Variants in MAST4 observed in about 807,000 individuals in gnomAD.
The protein encoded by MAST4 is microtubule-associated serine/threonine-protein kinase 4.
In MAST4, 89 loss-of-function variants were observed where a neutral mutation model predicts 162.7. The observed-to-expected ratio is 0.55, with a 90% CI of 0.46 to 0.65. The LOEUF (loss-of-function observed/expected upper bound fraction) is 0.65. MAST4 is among the 30% of genes least tolerant of loss of function. The pLI, the probability that MAST4 is intolerant of heterozygous loss-of-function variation, is 0.00. For synonymous variants in MAST4, 1,479 were observed against 1,361.1 expected (o/e 1.09, Z -1.91); for missense variants, 3,153 against 3,374.0 (o/e 0.93, Z 1.62).
At chr5:66,897,275 C>T (rs467176) in intron 3 of MAST4, among the ~76,000 whole-genome samples, 81,541 of 151,964 alleles carry the variant, frequency 0.54, 22,289 homozygotes, top group Middle Eastern at 0.61. Flanking sequence ...ACCAATACCA[C>T]GTCTTATCTA....
intron 6 of MAST4, among the ~76,000 whole-genome samples, chr5:67,093,399 T>C (rs1209513012): frequency 7.9e-5 from 12 of 152,150 alleles, no homozygotes; most frequent in Admixed American, 7.9e-4. Context: ...GTGATACCTT[T>C]CTTGAAAAAA....
chr5:67,041,994 C>A (rs1756799496), intron 4 of MAST4, among the ~76,000 whole-genome samples: 1 of 152,196 alleles, frequency 6.6e-6, no homozygotes, highest in Non-Finnish European at 1.5e-5. Flanking sequence ...GTTTGGAATT[C>A]AACAGTAGAT....
In MAST4 at chr5:66,596,756, C is replaced by G; in HGVS notation, c.101C>G (p.Pro34Arg). 7.1e-7 allele frequency: 1 copy of G among 1,401,212 alleles called. No homozygotes were observed. Among genetic ancestry groups the G allele is most frequent in the Non-Finnish European group, 9.3e-7 (1 of 1,075,668 alleles). 86.8% of individuals were successfully genotyped at this position (1,401,212 alleles called of 1,614,324 possible). A position where few individuals can be genotyped will look rare whatever the true frequency, so the allele number is the denominator to read the frequency against. ...TCTGCGCTGGTCGCCGCGTCCTCTC[C>G]GGGTGCTTCCTCGGCCGAGTCCTCC... is the stretch of plus-strand genomic sequence containing the variant. ...PASALVAASSPGASSAESSSG... is the reference protein window; with the variant it reads ...PASALVAASSRGASSAESSSG... The change falls in exon 1 of 29, where the codon CCG (proline) becomes CGG (arginine). Residue 34 changes from proline (P) to arginine (R), a missense_variant. Physicochemically the swap from Pro to Arg is moderately radical, Grantham distance 103. Transcript: ENST00000403625.
At chr5:66,981,279 G>A (rs1050707354) in intron 4 of MAST4, among the ~76,000 whole-genome samples, 1 of 152,102 alleles carries the variant, frequency 6.6e-6, no homozygotes, top group Non-Finnish European at 1.5e-5. Flanking sequence ...CTTATTTATT[G>A]GAAATTATCC....
At chr5:67,090,840 GCA>G (rs138954302) in intron 6 of MAST4, among the ~76,000 whole-genome samples, 3,798 of 151,928 alleles carry the variant, frequency 0.025, 137 homozygotes, top group East Asian at 0.17. Flanking sequence ...AGAGGAGTGT[GCA>G]CAGTCATCTC....
At chr5:66,938,188 A>G (rs1391355968) in intron 4 of MAST4, among the ~76,000 whole-genome samples, 1 of 152,158 alleles carries the variant, frequency 6.6e-6, no homozygotes, top group Non-Finnish European at 1.5e-5. Flanking sequence ...CCAAATCAGC[A>G]TTACATAATG....
intron 4 of MAST4, among the ~76,000 whole-genome samples, chr5:67,036,424 T>A (rs913489535): frequency 5.9e-5 from 9 of 152,196 alleles, no homozygotes; most frequent in African/African-American, 2.2e-4. Flanking sequence ...AAGTAATCAC[T>A]ATTATGATTT....
At chr5:66,889,061 T>C (rs527237601) in intron 3 of MAST4, among the ~76,000 whole-genome samples, 12 of 152,324 alleles carry the variant, frequency 7.9e-5, no homozygotes, top group African/African-American at 2.6e-4. Flanking sequence ...CTTATGAACA[T>C]TGTAGCTTTT....
intron 1 of MAST4, among the ~76,000 whole-genome samples, chr5:66,686,453 A>G (rs1002290236): frequency 3.3e-5 from 5 of 152,226 alleles, no homozygotes; most frequent in African/African-American, 1.2e-4. Flanking sequence ...AGATTTAAAA[A>G]TGGGATCAAA....
chr5:66,937,204 G>A (rs1742839956), intron 4 of MAST4, among the ~76,000 whole-genome samples: 1 of 152,178 alleles, frequency 6.6e-6, no homozygotes, highest in African/African-American at 2.4e-5. Context: ...AAATATTGGG[G>A]AGGTACAGTG....
At chr5:66,686,234 C>T (rs973608173) in intron 1 of MAST4, among the ~76,000 whole-genome samples, 1 of 152,100 alleles carries the variant, frequency 6.6e-6, no homozygotes, top group Non-Finnish European at 1.5e-5. Flanking sequence ...ACATTATTCA[C>T]CTCATAGGTG....
intron 5 of MAST4, among the ~76,000 whole-genome samples, chr5:67,056,431 G>T (rs879352800): frequency 6.6e-6 from 1 of 152,092 alleles, no homozygotes; most frequent in South Asian, 2.1e-4. Context: ...ATAATTCTGC[G>T]ATTTAAAGAT....
chr5:66,763,189 C>A (rs971152088), intron 2 of MAST4, among the ~76,000 whole-genome samples: 4 of 152,288 alleles, frequency 2.6e-5, no homozygotes, highest in Admixed American at 2.0e-4. Context: ...AACTGCTACA[C>A]TGTTCCTAGC....
At chr5:67,056,890 A>G (rs1214885954) in intron 5 of MAST4, among the ~76,000 whole-genome samples, 1 of 151,602 alleles carries the variant, frequency 6.6e-6, no homozygotes. Context: ...TTTAGTAGAG[A>G]GAAGGTTTCG....
chr5:67,140,641 G>A (rs958687302), intron 19 of MAST4, among the ~76,000 whole-genome samples: 6 of 152,232 alleles, frequency 3.9e-5, no homozygotes, highest in East Asian at 3.9e-4. Flanking sequence ...CTGGGGGATC[G>A]TGGTCCACGG....
chr5:66,888,057 A>T (rs1400930875), intron 3 of MAST4, among the ~76,000 whole-genome samples: 1 of 152,104 alleles, frequency 6.6e-6, no homozygotes, highest in African/African-American at 2.4e-5. Flanking sequence ...AAAAAAAAAT[A>T]AAAATAAAAT....
rs116752940 is a variant in MAST4 at position 66,781,957 on chromosome 5, T to G, written c.518-6713T>G. 5.5e-3 allele frequency among the ~76,000 whole-genome samples: 835 copies of G among 152,234 alleles called. 8 individuals are homozygous for G. The highest frequency in any genetic ancestry group is 0.051 in the South Asian group (246 of 4,814). ...ATTGCAGACTTGGTATTTTTCTACT[T>G]CAGAGGGATACTTCCAGCTTCGGGG... On this transcript the variant is annotated intron_variant, in intron 2 of 28. Transcript: ENST00000403625.
chr5:67,153,361 A>G, intron 25 of MAST4, 97 bp from the exon 26 acceptor site: 2 of 1,271,470 alleles, frequency 1.6e-6, no homozygotes, highest in Non-Finnish European at 2.1e-6. Flanking sequence ...GAGGCTTAGG[A>G]CATTTGCTAA....
At chr5:67,036,956 G>A (rs564569430) in intron 4 of MAST4, among the ~76,000 whole-genome samples, 1 of 152,212 alleles carries the variant, frequency 6.6e-6, no homozygotes, top group South Asian at 2.1e-4. Context: ...GTCCCTCACT[G>A]TCTTTTGTTC....
Sources: gnomAD v4.1 joint callset for allele counts (sites outside exome capture counted in the v4.1 genomes callset) on GRCh38, gnomAD v4.1.1 for gene constraint, MANE v1.5 for transcripts, NCBI Gene and HGNC (gene_info 2026-07-23, HGNC 2026-07-21) for gene names.